Variants in MACROD2 observed in about 807,000 individuals in gnomAD.
MACROD2 encodes ADP-ribose glycohydrolase MACROD2.
Under a neutral mutation model 70.4 loss-of-function variants are expected in MACROD2, and 36 were observed. That is an observed-to-expected ratio of 0.51 (90% CI 0.39 to 0.68). The LOEUF is 0.68. Ranked by LOEUF, MACROD2 falls within the 30% of genes least tolerant of loss-of-function variation. MACROD2 has a pLI of 0.00. For missense variants in MACROD2, 496 were observed against 538.4 expected, an observed-to-expected ratio of 0.92 and a Z score of 0.78; for synonymous variants, 172 against 178.8, an observed-to-expected ratio of 0.96 and a Z score of 0.30.
At chr20:14,482,115 A>C (rs1229062113) in intron 3 of MACROD2, among the ~76,000 whole-genome samples, 1 of 152,204 alleles carries the variant, frequency 6.6e-6, no homozygotes, top group African/African-American at 2.4e-5. Context: ...TTTGTGCAAG[A>C]AGTTAGTTCG....
At chr20:14,198,222 C>G (rs1285109332) in intron 3 of MACROD2, among the ~76,000 whole-genome samples, 1 of 151,830 alleles carries the variant, frequency 6.6e-6, no homozygotes, top group Non-Finnish European at 1.5e-5. Flanking sequence ...GAAGAGAGAG[C>G]CCTTGGTTTA....
chr20:15,421,242 G>T (rs1223234033), intron 6 of MACROD2, among the ~76,000 whole-genome samples: 1 of 152,046 alleles, frequency 6.6e-6, no homozygotes, highest in East Asian at 1.9e-4. Context: ...ACCAGGTGTG[G>T]TGGCATGCAC....
rs747259774 is a variant in MACROD2, at chr20:15,933,284, G to A, written c.784G>A (p.Gly262Ser). The change falls in exon 11 of 18, where the codon GGT (glycine) becomes AGT (serine). Residue 262 changes from glycine to serine, a missense_variant. Gly to Ser is a moderately conservative substitution (Grantham distance 56). Coordinates refer to ENST00000684519, the MANE Select transcript of MACROD2 (RefSeq NM_001351661.2). ...VEMKEDSDEN[G>S]PEEKQSVEEM... ...TGTGGTTTTCTTGAAAGATGAGAAC[G>A]GTCCAGAGGAGAAGCAAAGTGTGGA... The A allele has an allele frequency of 1.4e-5, 22 of 1,613,020 alleles. No individual in the cohort carries two copies. The highest frequency in any genetic ancestry group is 1.3e-4 in the East Asian group (6 of 44,822).
intron 7 of MACROD2, among the ~76,000 whole-genome samples, chr20:15,467,519 C>T (rs527820545): frequency 1.3e-5 from 2 of 152,230 alleles, no homozygotes; most frequent in East Asian, 1.9e-4. Flanking sequence ...AACTGGGATT[C>T]AGGAGGTTAT....
At chr20:14,906,219 C>T (rs953796607) in intron 5 of MACROD2, among the ~76,000 whole-genome samples, 10 of 152,076 alleles carry the variant, frequency 6.6e-5, no homozygotes, top group South Asian at 4.1e-4. Context: ...TCAAGCTGTG[C>T]GTGTTAGCTC....
chr20:14,603,133 T>C (rs1212211569), intron 4 of MACROD2, among the ~76,000 whole-genome samples: 1 of 152,160 alleles, frequency 6.6e-6, no homozygotes, highest in Admixed American at 6.6e-5. Flanking sequence ...GACTGTAAAG[T>C]GTTACTTTGT....
At chr20:14,774,715 A>G (rs1190667699) in intron 5 of MACROD2, among the ~76,000 whole-genome samples, 1 of 152,120 alleles carries the variant, frequency 6.6e-6, no homozygotes, top group Non-Finnish European at 1.5e-5. Context: ...AAAATGTTCT[A>G]TAAATGAGTA....
chr20:14,795,519 A>T (rs753557107), intron 5 of MACROD2, among the ~76,000 whole-genome samples: 22 of 152,220 alleles, frequency 1.4e-4, no homozygotes, highest in Non-Finnish European at 2.8e-4. Flanking sequence ...TGGTAGAAAC[A>T]AAGAGAGGAA....
At chr20:14,192,725 C>T (rs1015903004) in intron 3 of MACROD2, among the ~76,000 whole-genome samples, 5 of 152,190 alleles carry the variant, frequency 3.3e-5, no homozygotes, top group African/African-American at 1.2e-4. Flanking sequence ...TCGTTGATCT[C>T]TGGGCCATCT....
At chr20:14,846,034 G>A (rs1243098848) in intron 5 of MACROD2, among the ~76,000 whole-genome samples, 1 of 151,826 alleles carries the variant, frequency 6.6e-6, no homozygotes, top group African/African-American at 2.4e-5. Flanking sequence ...GGTGTTCTAT[G>A]GCTAATATTT....
intron 5 of MACROD2, among the ~76,000 whole-genome samples, chr20:14,966,799 G>A (rs752520858): frequency 3.3e-5 from 5 of 151,718 alleles, no homozygotes; most frequent in Non-Finnish European, 5.9e-5. Flanking sequence ...ACACTACCAT[G>A]TAGTATGCCA....
intron 8 of MACROD2, among the ~76,000 whole-genome samples, chr20:15,777,889 G>A (rs1187602178): frequency 6.6e-6 from 1 of 152,138 alleles, no homozygotes; most frequent in Non-Finnish European, 1.5e-5. Flanking sequence ...GGTCTTGAGA[G>A]ATCTGCCTGC....
At chr20:14,959,934 T>C (rs77244270) in intron 5 of MACROD2, among the ~76,000 whole-genome samples, 2,417 of 152,230 alleles carry the variant, frequency 0.016, 63 homozygotes, top group African/African-American at 0.053. Flanking sequence ...TAGACACTTG[T>C]CAGCAGCCCC....
chr20:14,171,838 A>G (rs866947841), intron 3 of MACROD2, among the ~76,000 whole-genome samples: 2 of 152,180 alleles, frequency 1.3e-5, no homozygotes, highest in Non-Finnish European at 2.9e-5. Flanking sequence ...TTCAGTAAAT[A>G]TCTGTTAAGT....
chr20:15,148,228 G>A (rs539716118), intron 5 of MACROD2, among the ~76,000 whole-genome samples: 1 of 152,000 alleles, frequency 6.6e-6, no homozygotes, highest in East Asian at 1.9e-4. Flanking sequence ...GGAAGATTTT[G>A]TGGTAAGGGA....
intron 8 of MACROD2, among the ~76,000 whole-genome samples, chr20:15,848,802 T>A (rs2064263746): frequency 6.6e-6 from 1 of 152,086 alleles, no homozygotes; most frequent in Non-Finnish European, 1.5e-5. Flanking sequence ...TTAGTAGTCA[T>A]AATTAGGTCA....
chr20:14,334,620 C>A (rs1336558790), intron 3 of MACROD2, among the ~76,000 whole-genome samples: 1 of 148,814 alleles, frequency 6.7e-6, no homozygotes, highest in East Asian at 2.0e-4. Context: ...ACAAAGCCTC[C>A]CGTTGAGAAG....
At chr20:14,934,431 G>T (rs2074322835) in intron 5 of MACROD2, among the ~76,000 whole-genome samples, 1 of 152,130 alleles carries the variant, frequency 6.6e-6, no homozygotes, top group African/African-American at 2.4e-5. Flanking sequence ...CTCCCCATGA[G>T]ATCAGACCAT....
intron 8 of MACROD2, among the ~76,000 whole-genome samples, chr20:15,856,743 TG>T (rs1269696750): frequency 6.6e-6 from 1 of 152,202 alleles, no homozygotes; most frequent in Non-Finnish European, 1.5e-5. Context: ...ATATTAATGT[TG>T]TTTTTTGTAT....
Sources: allele counts gnomAD v4.1 joint callset (sites outside exome capture counted in the v4.1 genomes callset), GRCh38; gene constraint gnomAD v4.1.1; transcripts MANE v1.5; gene names NCBI Gene and HGNC (gene_info 2026-07-23, HGNC 2026-07-21).